The following NPAS1 variants were observed in gnomAD, a reference collection of about 807,000 sequenced individuals.
NPAS1 encodes the protein neuronal PAS domain-containing protein 1.
In NPAS1, 29 loss-of-function variants were observed where a neutral mutation model predicts 49.2. The ratio of observed to expected loss-of-function variants is 0.59; its 90% CI spans 0.44 to 0.80. The LOEUF is 0.80. NPAS1 is among the 30% of genes least tolerant of loss of function. The pLI, the probability that NPAS1 is intolerant of heterozygous loss-of-function variation, is 0.00. For missense variants in NPAS1, 825 were observed against 835.5 expected, an observed-to-expected ratio of 0.99 and a Z score of 0.15; for synonymous variants, 408 against 380.4, an observed-to-expected ratio of 1.07 and a Z score of -0.84.
At chr19:47,024,436 G>C (rs989525133) in intron 3 of NPAS1, among the ~76,000 whole-genome samples, 15 of 152,222 alleles carry the variant, frequency 9.9e-5, no homozygotes, top group Middle Eastern at 3.4e-3. Context: ...AGGATAGCTT[G>C]AGCCCAGGAG....
intron 6 of NPAS1, 42 bp downstream of exon 6, chr19:47,036,171 T>C: frequency 6.5e-7 from 1 of 1,538,198 alleles, no homozygotes. Context: ...TGAGGGTAGA[T>C]CGGGGGACGC....
chr19:47,032,599 C>T, intron 4 of NPAS1, 44 bp from the exon 5 acceptor site: 1 of 1,552,242 alleles, frequency 6.4e-7, no homozygotes, highest in Non-Finnish European at 8.9e-7. Context: ...GACAGAGGGA[C>T]ACCGGGTCCT....
At chr19:47,034,314 CA>C (rs76817156) in intron 5 of NPAS1, among the ~76,000 whole-genome samples, 2,590 of 92,664 alleles carry the variant, frequency 0.028, 29 homozygotes, top group Non-Finnish European at 0.031. Flanking sequence ...AACTCCGTCT[CA>C]AAAAAAAAAA....
intron 11 of NPAS1, among the ~76,000 whole-genome samples, chr19:47,044,447 C>A: frequency 6.6e-6 from 1 of 152,194 alleles, no homozygotes; most frequent in Non-Finnish European, 1.5e-5. Context: ...GCACAGTGGC[C>A]ACATGTGGCC....
At position 47,032,361 on chromosome 19, in the gene NPAS1, G is replaced by T; in HGVS notation, c.432+10G>T. The T allele has an allele frequency of 1.9e-6, 3 of 1,613,502 alleles. No individual in the cohort carries two copies. The highest frequency in any genetic ancestry group is 2.5e-6 in the Non-Finnish European group (3 of 1,179,616). ...AGGTCACATCTTGCAGGTGAGTGAG[G>T]CCCCTTCCCTGCCTGCCGCTCCTTG... On this transcript the variant is annotated intron_variant, in intron 4 of 11. Coordinates refer to ENST00000602212, the MANE Select transcript of NPAS1 (RefSeq NM_002517.4).
chr19:47,023,314 C>A (rs1259792200), intron 3 of NPAS1, among the ~76,000 whole-genome samples: 1 of 152,178 alleles, frequency 6.6e-6, no homozygotes, highest in African/African-American at 2.4e-5. Flanking sequence ...TCCAGCCCCC[C>A]ATTACCTGGA....
At chr19:47,026,217 G>A (rs1304201412) in intron 3 of NPAS1, among the ~76,000 whole-genome samples, 1 of 152,214 alleles carries the variant, frequency 6.6e-6, no homozygotes, top group Non-Finnish European at 1.5e-5. Context: ...GGGGTTACAG[G>A]TGTAAGCCAC....
At position 47,033,562 on chromosome 19, in the gene NPAS1, A is replaced by G. The variant is rs561304960; in HGVS notation, c.522+830A>G. On this transcript the variant is annotated intron_variant, in intron 5 of 11. Coordinates refer to ENST00000602212, the MANE Select transcript of NPAS1 (RefSeq NM_002517.4). ...AGCCTGAGGGGGCTATTAAAGTAAC[A>G]AGTAGATCTGAGGAAAGCAGGTTCA... 2.5e-3 allele frequency among the ~76,000 whole-genome samples: 384 copies of G among 152,190 alleles called. 2 individuals are homozygous for G. Among genetic ancestry groups the G allele is most frequent in the African/African-American group, 9.0e-3 (375 of 41,544 alleles).
intron 3 of NPAS1, among the ~76,000 whole-genome samples, chr19:47,027,047 A>T (rs2056875683): frequency 6.6e-6 from 1 of 151,912 alleles, no homozygotes; most frequent in Non-Finnish European, 1.5e-5. Flanking sequence ...ATCACTGTAG[A>T]CCCATTTTAC....
chr19:47,031,587 G>A (rs1224201563), intron 3 of NPAS1, among the ~76,000 whole-genome samples: 3 of 145,454 alleles, frequency 2.1e-5, no homozygotes, highest in Admixed American at 1.4e-4. Flanking sequence ...CTGGAGTGCA[G>A]TGGCATGATC....
intron 3 of NPAS1, among the ~76,000 whole-genome samples, chr19:47,029,761 A>T (rs1043245816): frequency 6.6e-6 from 1 of 152,202 alleles, no homozygotes; most frequent in African/African-American, 2.4e-5. Flanking sequence ...CTTTTGAATG[A>T]TGTGAAGTAT....
chr19:47,032,550 G>A, intron 4 of NPAS1, 93 bp from the exon 5 acceptor site: 1 of 1,255,548 alleles, frequency 8.0e-7, no homozygotes, highest in East Asian at 2.3e-5. Flanking sequence ...ACCTCAGGTG[G>A]AGACCCAGGT....
intron 3 of NPAS1, among the ~76,000 whole-genome samples, chr19:47,022,053 G>A (rs1294782264): frequency 6.6e-6 from 1 of 152,232 alleles, no homozygotes. Context: ...GGAAGATTTC[G>A]TGAATTCTGC....
In NPAS1 at chr19:47,036,030, C is replaced by A. The variant is rs753919836; in HGVS notation, c.589C>A (p.Gln197Lys). The A allele has an allele frequency of 9.4e-6, 15 of 1,603,952 alleles. No homozygotes were observed. Among genetic ancestry groups the A allele is most frequent in the Admixed American group, 1.7e-5 (1 of 58,602 alleles). The change falls in exon 6 of 12, where the codon CAA becomes AAA. Residue 197 changes from glutamine to lysine, a missense_variant. Physicochemically the swap from Gln to Lys is moderately conservative, Grantham distance 53. Transcript: ENST00000602212. Reference protein sequence around the residue: ...HPGDHSEVLEQLGLRTPTPGP... With the variant: ...HPGDHSEVLEKLGLRTPTPGP... ...TGGGGACCACTCAGAGGTGCTGGAG[C>A]AACTGGGGCTGCGGACGCCGACGCC...
At chr19:47,032,220 G>T in intron 3 of NPAS1, 58 bp from the exon 4 acceptor site, 1 of 1,503,850 alleles carries the variant, frequency 6.6e-7, no homozygotes, top group Non-Finnish European at 9.2e-7. Context: ...GCTCCCGGGG[G>T]ACCTGCCCTG....
intron 6 of NPAS1, among the ~76,000 whole-genome samples, chr19:47,038,454 T>A (rs1568507720): frequency 7.0e-6 from 1 of 142,214 alleles, no homozygotes; most frequent in African/African-American, 2.8e-5. Flanking sequence ...GAGACGGAGG[T>A]CGCAGTAGGC....
In NPAS1 at chr19:47,040,589, C is replaced by T. The variant is rs779499397; in HGVS notation, c.1069+39C>T. On this transcript the variant is annotated intron_variant, in intron 9 of 11. Coordinates refer to ENST00000602212, the MANE Select transcript of NPAS1 (RefSeq NM_002517.4). Reference sequence around the variant, plus strand: ...CCACCCACCAAGCCTGCCTACCACCCCCCAGACCCGAGCATCCCACTCCCT... The same window carrying T: ...CCACCCACCAAGCCTGCCTACCACCTCCCAGACCCGAGCATCCCACTCCCT... The T allele has an allele frequency of 4.2e-6, 6 of 1,412,912 alleles. No homozygotes were observed. In the African/African-American group the frequency reaches 7.0e-5, roughly 17 times the overall value. 87.5% of individuals were successfully genotyped at this position (1,412,912 alleles called of 1,614,324 possible).
At chr19:47,041,195 G>A (rs2057018132) in intron 10 of NPAS1, 70 bp downstream of exon 10, 2 of 1,376,458 alleles carry the variant, frequency 1.5e-6, no homozygotes, top group South Asian at 2.9e-5. Context: ...TCCAGTGGGG[G>A]TGCTTTGGGG....
rs867504240 is a variant in NPAS1 at position 47,021,769 on chromosome 19, T to C, written c.280T>C (p.Tyr94His). Residue 94 changes from tyrosine to histidine, a missense_variant, in exon 3 of 12, where the codon TAC (tyrosine) becomes CAC (histidine). Transcript: ENST00000602212. This position sits in a 1 kb window ranked among gnomAD's most constrained non-coding sequence, Gnocchi z 5.7. ...TTCCATCGTGCGCCTCAGCGTCACC[T>C]ACCTCCGCCTGCGCCGGTTCGCCGC... ...KASIVRLSVT[Y>H]LRLRRFAALG... The C allele has an allele frequency of 6.5e-7, 1 of 1,538,178 alleles. No homozygotes were observed. The highest frequency in any genetic ancestry group is 1.2e-5 in the South Asian group (1 of 82,820).
Sources: allele counts gnomAD v4.1 joint callset (sites outside exome capture counted in the v4.1 genomes callset), GRCh38; gene constraint gnomAD v4.1.1; non-coding constraint Gnocchi (gnomAD v3.1); transcripts MANE v1.5; gene names NCBI Gene and HGNC (gene_info 2026-07-23, HGNC 2026-07-21).